Variants in TGIF1 observed in about 807,000 individuals in gnomAD.
The protein encoded by TGIF1 is homeobox protein TGIF1.
In TGIF1, 4 loss-of-function variants were observed where a neutral mutation model predicts 19.3. The observed-to-expected ratio is 0.21, with a 90% confidence interval of 0.10 to 0.47. The LOEUF is 0.47. TGIF1 is among the 20% of genes least tolerant of loss of function. The pLI is 0.98. For synonymous variants in TGIF1, 122 were observed against 129.3 expected (o/e 0.94, Z 0.38); for missense variants, 275 against 341.4 (o/e 0.81, Z 1.53).
chr18:3,457,135 A>G lies in TGIF1; in HGVS notation c.244-230A>G. ...TCGTCCTGAAAAGGTTTAAGTATGA[A>G]GAGACAAAAAAGGAAATTTGTATTA... On this transcript the variant is annotated intron_variant, in intron 2 of 2. Transcript: ENST00000343820. The surrounding 1 kb of genome is among the most constrained non-coding windows in gnomAD (Gnocchi z 4.9). 1 of 606,896 alleles carries G rather than the reference A, an allele frequency of 1.6e-6. No individual in the cohort carries two copies. Among genetic ancestry groups the G allele is most frequent in the African/African-American group, 1.8e-5 (1 of 54,134 alleles). The allele number at this position is 606,896 out of a possible 1,614,324, so 37.6% of individuals were successfully genotyped here.
chr18:3,456,245 C>T lies in TGIF1; in HGVS notation c.17-109C>T. ...GAAAACACTGCTCCTTCTCCTCGCTCTCAGTTGTTGGGAAAGCATGGTTAC... is the reference window on the plus strand; with the variant it reads ...GAAAACACTGCTCCTTCTCCTCGCTTTCAGTTGTTGGGAAAGCATGGTTAC... On this transcript the variant is annotated intron_variant, in intron 1 of 2. Coordinates refer to ENST00000343820, the MANE Select transcript of TGIF1 (RefSeq NM_003244.4). This position sits in a 1 kb window ranked among gnomAD's most constrained non-coding sequence, Gnocchi z 4.2. The T allele has an allele frequency of 1.9e-6, 2 of 1,079,838 alleles. No homozygotes were observed. The highest frequency in any genetic ancestry group is 2.9e-6 in the Non-Finnish European group (2 of 697,084). The allele number at this position is 1,079,838 out of a possible 1,614,324, so 66.9% of individuals were successfully genotyped here. A position where few individuals can be genotyped will look rare whatever the true frequency, so the allele number is the denominator to read the frequency against.
intron 2 of TGIF1, among the ~76,000 whole-genome samples, chr18:3,436,455 A>G (rs2143214796): frequency 6.6e-6 from 1 of 152,320 alleles, no homozygotes; most frequent in South Asian, 2.1e-4. Flanking sequence ...GTTTCTGTGA[A>G]CATTCAAATA....
At chr18:3,440,212 A>T (rs1363139192) in intron 2 of TGIF1, among the ~76,000 whole-genome samples, 3 of 151,864 alleles carry the variant, frequency 2.0e-5, no homozygotes. Flanking sequence ...TTAGCCAAAC[A>T]TGGTGGTTCA....
chr18:3,451,964 G>A lies in TGIF1; in HGVS notation c.16+1459G>A, dbSNP rs577805661. 5.0e-4 allele frequency: 787 copies of A among 1,568,698 alleles called. 9 individuals carry two copies. In the South Asian group the frequency reaches 8.8e-3, roughly 17 times the overall value. On this transcript the variant is annotated intron_variant, in intron 1 of 2. Coordinates refer to ENST00000343820, the MANE Select transcript of TGIF1 (RefSeq NM_003244.4). The surrounding 1 kb of genome is among the most constrained non-coding windows in gnomAD (Gnocchi z 5.4). ...TGGGCCTCCCGGGAATAAGTGAGGG[G>A]CTCTGTGTTTCGAGGATGGTTCTAG... is the stretch of plus-strand genomic sequence containing the variant.
chr18:3,443,645 C>T (rs535504528), intron 2 of TGIF1, among the ~76,000 whole-genome samples: 3 of 152,120 alleles, frequency 2.0e-5, no homozygotes, highest in East Asian at 1.9e-4. Context: ...GGCGCAATCT[C>T]GGCTCACTCC....
In TGIF1 at chr18:3,458,124, C is replaced by T. The variant is rs907668404; in HGVS notation, c.*184C>T. On this transcript the variant is annotated 3_prime_UTR_variant, in exon 3 of 3. Coordinates refer to ENST00000343820, the MANE Select transcript of TGIF1 (RefSeq NM_003244.4). ...TCCAAGAACTATAAACTTAAAGCTA[C>T]TGTAGAAACAAAGGGTTTTCTTTTT... 6 of 596,236 alleles carry T rather than the reference C, an allele frequency of 1.0e-5. No individual in the cohort carries two copies. Among genetic ancestry groups the T allele is most frequent in the Middle Eastern group, 4.4e-4 (1 of 2,274 alleles). The allele number at this position is 596,236 out of a possible 1,614,324, so 36.9% of individuals were successfully genotyped here. A position where few individuals can be genotyped will look rare whatever the true frequency, so the allele number is the denominator to read the frequency against.
chr18:3,435,033 T>C (rs558561124), intron 2 of TGIF1, among the ~76,000 whole-genome samples: 2 of 152,326 alleles, frequency 1.3e-5, no homozygotes, highest in African/African-American at 4.8e-5. Flanking sequence ...TAAAGTGTCT[T>C]TCATGCTTTA....
intron 2 of TGIF1, among the ~76,000 whole-genome samples, chr18:3,422,712 A>G (rs1178001217): frequency 2.2e-4 from 21 of 96,152 alleles, no homozygotes; most frequent in Admixed American, 7.2e-4. Context: ...TTTTTTTGAG[A>G]CAGAGTCTGG....
Position 3,451,366 on chromosome 18 carries a change from A to T in TGIF1, c.16+861A>T. The T allele has an allele frequency of 1.0e-6, 1 of 984,100 alleles. No homozygotes were observed. The highest frequency in any genetic ancestry group is 4.7e-5 in the South Asian group (1 of 21,254). 61.0% of individuals were successfully genotyped at this position (984,100 alleles called of 1,614,324 possible). On this transcript the variant is annotated intron_variant, in intron 1 of 2. Transcript: ENST00000343820. The surrounding 1 kb of genome is among the most constrained non-coding windows in gnomAD (Gnocchi z 5.4). ...CCGGAGGGGGACGGGGGGTGGAGAA[A>T]CCACACAAAACACCCCGAAAGGTCA... is the stretch of plus-strand genomic sequence containing the variant.
rs2049385661 is a variant in TGIF1, at chr18:3,457,259, TC to T, written c.244-105del. The T allele has an allele frequency of 4.9e-6, 6 of 1,227,712 alleles. No homozygotes were observed. The South Asian group carries it at 7.8e-5, about 16-fold the overall frequency. 76.1% of individuals were successfully genotyped at this position (1,227,712 alleles called of 1,614,324 possible). On this transcript the variant is annotated intron_variant, in intron 2 of 2. Coordinates refer to ENST00000343820, the MANE Select transcript of TGIF1 (RefSeq NM_003244.4). This position sits in a 1 kb window ranked among gnomAD's most constrained non-coding sequence, Gnocchi z 4.9. ...AATTCAGATAAGGCTTTTCATGCTT[TC>T]TTTAATTCAGAGAGCAAGATCAATT...
chr18:3,459,382 A>G lies in TGIF1; in HGVS notation c.*1442A>G, dbSNP rs1202991027. ...TGAAAGAAAAAAACTGCTGATGATTACCAAGAGGCGTAAGAAAATTAGGTG... is the reference window on the plus strand; with the variant it reads ...TGAAAGAAAAAAACTGCTGATGATTGCCAAGAGGCGTAAGAAAATTAGGTG... On this transcript the variant is annotated 3_prime_UTR_variant, in exon 3 of 3. Coordinates refer to ENST00000343820, the MANE Select transcript of TGIF1 (RefSeq NM_003244.4). 2.0e-5 allele frequency: 3 copies of G among 152,190 alleles called. No homozygotes were observed. The highest frequency in any genetic ancestry group is 4.4e-5 in the Non-Finnish European group (3 of 68,036). The allele number at this position is 152,190 out of a possible 1,614,324, so 9.4% of individuals were successfully genotyped here.
In TGIF1 at chr18:3,457,733, G is replaced by T; in HGVS notation, c.612G>T (p.Ala204=). 2 of 1,614,118 alleles carry T rather than the reference G, an allele frequency of 1.2e-6. No homozygotes were observed. The highest frequency in any genetic ancestry group is 1.7e-6 in the Non-Finnish European group (2 of 1,180,028). Reference sequence around the variant, plus strand: ...AAAACACAGATATACAGCAGATAGCGGCCAAAAACTTCACAGACACCTCTC... The same window carrying T: ...AAAACACAGATATACAGCAGATAGCTGCCAAAAACTTCACAGACACCTCTC... ...VGQNTDIQQI[A]AKNFTDTSLM... is the part of the protein sequence containing the mutation. Residue 204 remains alanine (A), a synonymous_variant, in exon 3 of 3, where the codon GCG becomes GCT. Coordinates refer to ENST00000343820, the MANE Select transcript of TGIF1 (RefSeq NM_003244.4). The surrounding 1 kb of genome is among the most constrained non-coding windows in gnomAD (Gnocchi z 4.9).
rs113911290 is a variant in TGIF1 at position 3,451,666 on chromosome 18, T to C, written c.16+1161T>C. On this transcript the variant is annotated intron_variant, in intron 1 of 2. Transcript: ENST00000343820. This position sits in a 1 kb window ranked among gnomAD's most constrained non-coding sequence, Gnocchi z 5.4. ...TCAAGGCCAGCGGGGTTCCTTCGGC[T>C]GCGTTTCTGTGGGAGGCCCTGAAAC... 7,993 of 1,161,400 alleles carry C rather than the reference T, an allele frequency of 6.9e-3. 27 individuals are homozygous for C. The highest frequency in any genetic ancestry group is 7.6e-3 in the Non-Finnish European group (7,173 of 943,402). 71.9% of individuals were successfully genotyped at this position (1,161,400 alleles called of 1,614,324 possible).
In TGIF1 at chr18:3,450,265, G is replaced by C. The variant is rs568572687; in HGVS notation, c.-225G>C. The C allele has an allele frequency of 1.1e-4, 156 of 1,432,068 alleles. No homozygotes were observed. The highest frequency in any genetic ancestry group is 2.0e-4 in the Admixed American group (7 of 34,908). The allele number at this position is 1,432,068 out of a possible 1,614,324, so 88.7% of individuals were successfully genotyped here. A position where few individuals can be genotyped will look rare whatever the true frequency, so the allele number is the denominator to read the frequency against. ...GTTGGGCGAGGGAGAGCCCCCGGCC[G>C]GCTGCCAGAAGATCCCGGCGGGAGG... On this transcript the variant is annotated 5_prime_UTR_variant, in exon 1 of 3. Transcript: ENST00000343820.
At chr18:3,441,382 G>A (rs144110680) in intron 2 of TGIF1, among the ~76,000 whole-genome samples, 2 of 152,306 alleles carry the variant, frequency 1.3e-5, no homozygotes, top group East Asian at 1.9e-4. Flanking sequence ...ATTTACTCAT[G>A]CTTTCTTCTA....
upstream of TGIF1, chr18:3,448,273 C>T: frequency 1.0e-6 from 1 of 985,432 alleles, no homozygotes; most frequent in South Asian, 4.7e-5. Context: ...CCCTGCGTCT[C>T]TCCTCCCTCC....
At chr18:3,430,712 A>G (rs1002391402) in intron 2 of TGIF1, among the ~76,000 whole-genome samples, 31 of 140,782 alleles carry the variant, frequency 2.2e-4, no homozygotes, top group Non-Finnish European at 3.8e-4. Context: ...GGGTCTTGCC[A>G]TGTTGCCCAG....
rs775764296 is a variant in TGIF1, at chr18:3,457,733, G to C, written c.612G>C (p.Ala204=). The change falls in exon 3 of 3, where the codon GCG becomes GCC. Residue 204 remains alanine, a synonymous_variant. Transcript: ENST00000343820. The surrounding 1 kb of genome is among the most constrained non-coding windows in gnomAD (Gnocchi z 4.9). ...AAAACACAGATATACAGCAGATAGC[G>C]GCCAAAAACTTCACAGACACCTCTC... ...VGQNTDIQQI[A]AKNFTDTSLM... The C allele has an allele frequency of 8.7e-6, 14 of 1,614,000 alleles. No individual in the cohort carries two copies. Among genetic ancestry groups the C allele is most frequent in the Admixed American group, 1.7e-5 (1 of 59,992 alleles).
chr18:3,415,247 C>T, intron 1 of TGIF1: 1 of 264,924 alleles, frequency 3.8e-6, no homozygotes, highest in Admixed American at 4.0e-5. Flanking sequence ...TGCTGCCTGG[C>T]CCCTGTGGAC....
Sources: gnomAD v4.1 joint callset for allele counts (sites outside exome capture counted in the v4.1 genomes callset) on GRCh38, gnomAD v4.1.1 for gene constraint, Gnocchi (gnomAD v3.1) non-coding constraint, MANE v1.5 for transcripts, NCBI Gene and HGNC (gene_info 2026-07-23, HGNC 2026-07-21) for gene names.